THSD4: variants seen among roughly 807,000 people sequenced by gnomAD.
THSD4 encodes thrombospondin type 1 domain containing 4, also known as thrombospondin type-1 domain-containing protein 4.
Under a neutral mutation model 119.0 loss-of-function variants are expected in THSD4, and 69 were observed. The observed-to-expected ratio is 0.58, with a 90% CI of 0.48 to 0.71. The LOEUF is 0.71. Among genes scored for constraint, THSD4 ranks in the 30% least tolerant of loss-of-function variants. The pLI, the probability that THSD4 is intolerant of heterozygous loss-of-function variation, is 0.00. For missense variants in THSD4, 1,393 were observed against 1,391.1 expected, an observed-to-expected ratio of 1.00 and a Z score of -0.02; for synonymous variants, 524 against 540.4, an observed-to-expected ratio of 0.97 and a Z score of 0.42.
At chr15:71,097,415 A>C (rs1018889240) in intron 1 of THSD4, among the ~76,000 whole-genome samples, 11 of 152,032 alleles carry the variant, frequency 7.2e-5, no homozygotes, top group African/African-American at 2.7e-4. Flanking sequence ...AAATACAAAA[A>C]TTAGCCAGAC....
chr15:71,144,171 T>G (rs1198891774), intron 2 of THSD4, among the ~76,000 whole-genome samples: 1 of 152,134 alleles, frequency 6.6e-6, no homozygotes, highest in Non-Finnish European at 1.5e-5. Context: ...AAAATGTGAA[T>G]TATGAGGACA....
intron 3 of THSD4, among the ~76,000 whole-genome samples, chr15:71,203,346 G>T (rs535700167): frequency 9.2e-5 from 14 of 152,184 alleles, no homozygotes; most frequent in Admixed American, 3.9e-4. Flanking sequence ...ACACAGTAGG[G>T]CTAGGTTTTA....
chr15:71,691,956 C>G (rs1423414016), intron 8 of THSD4, among the ~76,000 whole-genome samples: 1 of 152,152 alleles, frequency 6.6e-6, no homozygotes, highest in Non-Finnish European at 1.5e-5. Context: ...CTCAAGTAGC[C>G]AAACACAGCA....
At chr15:71,529,107 G>T (rs1425823950) in intron 7 of THSD4, among the ~76,000 whole-genome samples, 1 of 152,174 alleles carries the variant, frequency 6.6e-6, no homozygotes, top group Non-Finnish European at 1.5e-5. Context: ...CTGCCAGGTG[G>T]ATATCAGTGT....
chr15:71,736,607 G>GTCTCTGTC (rs772597056), intron 10 of THSD4, among the ~76,000 whole-genome samples: 2 of 148,226 alleles, frequency 1.3e-5, no homozygotes, highest in Non-Finnish European at 3.0e-5. Flanking sequence ...CTTGGTCTCT[G>GTCTCTGTC]TCTCTGTCTC....
chr15:71,684,729 T>C (rs2051871416), intron 8 of THSD4, among the ~76,000 whole-genome samples: 1 of 152,164 alleles, frequency 6.6e-6, no homozygotes, highest in South Asian at 2.1e-4. Context: ...GATTGGCCTA[T>C]TGTTTTCATT....
At chr15:71,379,054 G>T (rs1221868683) in intron 6 of THSD4, among the ~76,000 whole-genome samples, 2 of 152,214 alleles carry the variant, frequency 1.3e-5, no homozygotes, top group Non-Finnish European at 2.9e-5. Context: ...AAAGCGCTGG[G>T]ATTATAGGCA....
chr15:71,321,266 TGGCTC>T (rs775418698), intron 6 of THSD4, among the ~76,000 whole-genome samples: 9,296 of 152,302 alleles, frequency 0.061, 293 homozygotes, highest in African/African-American at 0.078. Context: ...CCAGGCGCGG[TGGCTC>T]AAGCCTGTAA....
At chr15:71,576,751 T>G (rs766848498) in intron 7 of THSD4, among the ~76,000 whole-genome samples, 2 of 152,220 alleles carry the variant, frequency 1.3e-5, no homozygotes, top group African/African-American at 4.8e-5. Flanking sequence ...CTTTCTAATT[T>G]CCTTTGAATT....
intron 6 of THSD4, among the ~76,000 whole-genome samples, chr15:71,266,917 A>G (rs2044471204): frequency 6.6e-6 from 1 of 152,086 alleles, no homozygotes; most frequent in Admixed American, 6.5e-5. Flanking sequence ...TAGAGAAAAA[A>G]GAATGAAAAG....
chr15:71,637,632 G>A lies in THSD4; in HGVS notation c.1153-22898G>A, dbSNP rs545984158. 3.3e-5 allele frequency among the ~76,000 whole-genome samples: 5 copies of A among 152,332 alleles called. No homozygotes were observed. The East Asian group carries it at 9.6e-4, about 29-fold the overall frequency. On this transcript the variant is annotated intron_variant, in intron 7 of 17. Transcript: ENST00000261862. ...GTGGGACCAGCACTGTGGTTGCACTGTGGTCGCCAGGGGCTGGGGGAGGTG... is the reference window on the plus strand; with the variant it reads ...GTGGGACCAGCACTGTGGTTGCACTATGGTCGCCAGGGGCTGGGGGAGGTG...
At chr15:71,360,134 C>T (rs370615981) in intron 6 of THSD4, among the ~76,000 whole-genome samples, 10 of 152,072 alleles carry the variant, frequency 6.6e-5, no homozygotes, top group Non-Finnish European at 1.2e-4. Context: ...TTATCTGGCA[C>T]GTGGGGAAGA....
chr15:71,164,998 GT>G (rs2043281680), intron 3 of THSD4: 1 of 1,581,816 alleles, frequency 6.3e-7, no homozygotes, highest in Admixed American at 1.7e-5. Context: ...AAGGCTGCTT[GT>G]CATCTGCAGC....
intron 7 of THSD4, among the ~76,000 whole-genome samples, chr15:71,559,582 A>G (rs1290938750): frequency 5.3e-5 from 8 of 150,366 alleles, no homozygotes; most frequent in Non-Finnish European, 1.0e-4. Context: ...TTTTTGCAAT[A>G]AATGTTTATT....
intron 17 of THSD4, 142 bp from the exon 18 acceptor site, chr15:71,777,089 GC>G: frequency 2.3e-6 from 2 of 867,624 alleles, no homozygotes; most frequent in Non-Finnish European, 3.6e-6. Flanking sequence ...AAACCTGTGA[GC>G]CCTTGGCACA....
At chr15:71,724,287 A>ATATTT in intron 8 of THSD4, among the ~76,000 whole-genome samples, 5 of 37,292 alleles carry the variant, frequency 1.3e-4, no homozygotes, top group Admixed American at 4.1e-4. Context: ...ATATATATAT[A>ATATTT]TTTTTTTTTT....
At chr15:71,116,199 T>C (rs914654806) in intron 1 of THSD4, among the ~76,000 whole-genome samples, 17 of 152,160 alleles carry the variant, frequency 1.1e-4, no homozygotes, top group African/African-American at 4.1e-4. Flanking sequence ...TCTGTGTGTC[T>C]GTCTGTCTCA....
intron 6 of THSD4, chr15:71,341,224 C>G (rs902236837): frequency 1.3e-6 from 2 of 1,589,238 alleles, no homozygotes; most frequent in Middle Eastern, 2.3e-4. Flanking sequence ...TCTGGGCAAC[C>G]TCCTCTTCTG....
chr15:71,265,369 C>A (rs144317708), intron 6 of THSD4, among the ~76,000 whole-genome samples: 5,381 of 152,146 alleles, frequency 0.035, 152 homozygotes, highest in South Asian at 0.12. Context: ...ACTCCCTCCC[C>A]GAGTCAAGGG....
Sources: gnomAD v4.1 joint callset for allele counts (sites outside exome capture counted in the v4.1 genomes callset) on GRCh38, gnomAD v4.1.1 for gene constraint, MANE v1.5 for transcripts, NCBI Gene and HGNC (gene_info 2026-07-23, HGNC 2026-07-21) for gene names.